BRWD1: variants seen among roughly 807,000 people sequenced by gnomAD.
BRWD1 encodes the protein bromodomain and WD repeat-containing protein 1.
A neutral mutation model predicts 251.2 loss-of-function variants in BRWD1; 82 were observed. That is an observed-to-expected ratio of 0.33 (90% CI 0.27 to 0.39). The LOEUF is 0.39. Ranked by LOEUF, BRWD1 falls within the 10% of genes least tolerant of loss-of-function variation. The pLI, the probability that BRWD1 is intolerant of heterozygous loss-of-function variation, is 1.00. For synonymous variants in BRWD1, 918 were observed against 902.8 expected, an observed-to-expected ratio of 1.02 and a Z score of -0.30; for missense variants, 2,233 against 2,711.6, an observed-to-expected ratio of 0.82 and a Z score of 3.92.
chr21:39,280,072 A>T, intron 9 of BRWD1, 76 bp downstream of exon 9: 2 of 1,119,180 alleles, frequency 1.8e-6, no homozygotes, highest in Non-Finnish European at 2.5e-6. Flanking sequence ...TCTCATAACA[A>T]TAAAACTTCA....
intron 13 of BRWD1, 55 bp downstream of exon 13, chr21:39,274,319 G>C (rs2035212176): frequency 7.5e-7 from 1 of 1,333,624 alleles, no homozygotes; most frequent in African/African-American, 1.4e-5. Flanking sequence ...GAGAGAGAGA[G>C]AGAGAGACAG....
chr21:39,310,209 G>A lies in BRWD1; in HGVS notation c.198+2632C>T, dbSNP rs118131080. ...AAACCAAAGTAAATATAGCAAGTTA[G>A]TAACTTTCAAAATTCAAATTTGTTG... On this transcript the variant is annotated intron_variant, in intron 4 of 40. Transcript: ENST00000342449. Among the ~76,000 whole-genome samples, 15 of 152,238 alleles carry A rather than the reference G, an allele frequency of 9.9e-5. No individual in the cohort carries two copies. The East Asian group carries it at 2.9e-3, about 29-fold the overall frequency.
Position 39,293,907 on chromosome 21 carries a change from C to G in BRWD1, c.735G>C (p.Ala245=), listed in dbSNP as rs368563847. Residue 245 remains alanine (A), a synonymous_variant, in exon 8 of 41, where the codon GCG becomes GCC. Transcript: ENST00000342449. The part of the protein sequence containing the change: ...AVNYENTMIA[A]GSCDKIIRVW... ...CTCTAATAATTTTATCACAGCTCCCCGCAGCAATCATTGTATTCTCATAGT... is the reference window on the plus strand; with the variant it reads ...CTCTAATAATTTTATCACAGCTCCCGGCAGCAATCATTGTATTCTCATAGT... The G allele has an allele frequency of 6.2e-7, 1 of 1,614,094 alleles. No individual in the cohort carries two copies. The highest frequency in any genetic ancestry group is 2.2e-5 in the East Asian group (1 of 44,864).
At chr21:39,206,770 C>T (rs1372120839) in intron 36 of BRWD1, among the ~76,000 whole-genome samples, 3 of 152,180 alleles carry the variant, frequency 2.0e-5, no homozygotes, top group Non-Finnish European at 2.9e-5. Context: ...CATCCAGTAG[C>T]AGAAAGTATA....
At chr21:39,199,831 A>G (rs1248579192) in intron 39 of BRWD1, among the ~76,000 whole-genome samples, 169 bp from the exon 40 acceptor site, 1 of 152,116 alleles carries the variant, frequency 6.6e-6, no homozygotes, top group African/African-American at 2.4e-5. Context: ...GCTCACTGCA[A>G]CCTCTGCCTC....
intron 1 of BRWD1, among the ~76,000 whole-genome samples, chr21:39,319,907 T>C (rs1178602024): frequency 6.6e-6 from 1 of 152,222 alleles, no homozygotes; most frequent in Non-Finnish European, 1.5e-5. Context: ...TGTATCTTCT[T>C]TGGAGATAAT....
At position 39,194,686 on chromosome 21, in the gene BRWD1, A is replaced by G; in HGVS notation, c.*1573T>C. The G allele has an allele frequency of 1.3e-6, 2 of 1,534,842 alleles. No homozygotes were observed. Among genetic ancestry groups the G allele is most frequent in the Non-Finnish European group, 1.7e-6 (2 of 1,145,790 alleles). ...GGAACACTTCAGAACATTCTCTAAC[A>G]TTAATACCAGTCTGATGCTTCGCCT... On this transcript the variant is annotated 3_prime_UTR_variant, in exon 41 of 41. Coordinates refer to ENST00000342449, the MANE Select transcript of BRWD1 (RefSeq NM_033656.4).
chr21:39,316,344 T>A, upstream of BRWD1, among the ~76,000 whole-genome samples: 1 of 152,170 alleles, frequency 6.6e-6, no homozygotes, highest in East Asian at 1.9e-4. Flanking sequence ...GTAGCTAGAT[T>A]GTTAAGATGA....
rs1404605740 is a variant in BRWD1, at chr21:39,313,067, C to T, written c.138+5G>A. On this transcript the variant is annotated splice_donor_5th_base_variant and intron_variant, in intron 3 of 40. Coordinates refer to ENST00000342449, the MANE Select transcript of BRWD1 (RefSeq NM_033656.4). ...GAGGGAGCGCGGGGACGGGCGCGCA[C>T]AGACCTGGTACTGCTCCAGCTCCTG... 6.9e-7 allele frequency: 1 copy of T among 1,445,270 alleles called. No homozygotes were observed. The allele number at this position is 1,445,270 out of a possible 1,614,324, so 89.5% of individuals were successfully genotyped here. A position where few individuals can be genotyped will look rare whatever the true frequency, so the allele number is the denominator to read the frequency against.
chr21:39,278,892 G>T, intron 9 of BRWD1, 79 bp from the exon 10 acceptor site: 1 of 1,094,450 alleles, frequency 9.1e-7, no homozygotes, highest in South Asian at 1.9e-5. Context: ...TTTTAATCTA[G>T]CATATTTAAA....
intron 37 of BRWD1, among the ~76,000 whole-genome samples, chr21:39,204,822 T>C (rs1255425667): frequency 6.6e-6 from 1 of 152,132 alleles, no homozygotes; most frequent in Non-Finnish European, 1.5e-5. Flanking sequence ...ACAAAAAGGT[T>C]CCTGCTCCTA....
chr21:39,228,627 TTATA>T (rs753503992), intron 26 of BRWD1, 45 bp from the exon 27 acceptor site: 3 of 1,116,700 alleles, frequency 2.7e-6, no homozygotes, highest in East Asian at 4.7e-5. Flanking sequence ...ACATAGCAGG[TTATA>T]TAGTCTAAAA....
chr21:39,190,612 G>T lies in BRWD1; in HGVS notation c.*5647C>A. Reference sequence around the variant, plus strand: ...TGTCTGCCCTTCATTGATAAGCAATGAAATGACCCCAAAACTCAGAAAGCA... The same window carrying T: ...TGTCTGCCCTTCATTGATAAGCAATTAAATGACCCCAAAACTCAGAAAGCA... On this transcript the variant is annotated 3_prime_UTR_variant, in exon 41 of 41. Coordinates refer to ENST00000342449, the MANE Select transcript of BRWD1 (RefSeq NM_033656.4). 1 of 985,336 alleles carries T rather than the reference G, an allele frequency of 1.0e-6. No homozygotes were observed. Among genetic ancestry groups the T allele is most frequent in the Non-Finnish European group, 1.2e-6 (1 of 829,894 alleles). The allele number at this position is 985,336 out of a possible 1,614,324, so 61.0% of individuals were successfully genotyped here.
rs2031619208 is a variant in BRWD1 at position 39,192,776 on chromosome 21, C to A, written c.*3483G>T. ...AGGAAAACAAAAAAGATCGTAAGCACCTTTAACAATGTTCTTGCATTCTAC... is the reference window on the plus strand; with the variant it reads ...AGGAAAACAAAAAAGATCGTAAGCAACTTTAACAATGTTCTTGCATTCTAC... On this transcript the variant is annotated 3_prime_UTR_variant, in exon 41 of 41. Transcript: ENST00000342449. 2.0e-6 allele frequency: 2 copies of A among 984,974 alleles called. No individual in the cohort carries two copies. Among genetic ancestry groups the A allele is most frequent in the African/African-American group, 3.5e-5 (2 of 57,184 alleles). The allele number at this position is 984,974 out of a possible 1,614,324, so 61.0% of individuals were successfully genotyped here. A position where few individuals can be genotyped will look rare whatever the true frequency, so the allele number is the denominator to read the frequency against.
chr21:39,280,955 A>C (rs1243828010), intron 8 of BRWD1, among the ~76,000 whole-genome samples: 1 of 152,240 alleles, frequency 6.6e-6, no homozygotes, highest in Non-Finnish European at 1.5e-5. Context: ...CAAGCTACAG[A>C]AAGGAAGATG....
chr21:39,315,095 CCAG>C (rs2036672516), upstream of BRWD1: 1 of 152,122 alleles, frequency 6.6e-6, no homozygotes, highest in South Asian at 2.1e-4. Flanking sequence ...CTCCCGGGTT[CCAG>C]CGATTCTTGT....
At chr21:39,241,528 T>TAAAAAAAAAAA (rs1555858832) in intron 21 of BRWD1, among the ~76,000 whole-genome samples, 1 of 76,412 alleles carries the variant, frequency 1.3e-5, no homozygotes, top group East Asian at 6.1e-4. Flanking sequence ...TTTAAAAATC[T>TAAAAAAAAAAA]AAATAAATAA....
chr21:39,297,186 G>C (rs138335002), intron 5 of BRWD1: 142 of 985,430 alleles, frequency 1.4e-4, no homozygotes, highest in Non-Finnish European at 1.6e-4. Context: ...CAGTCACACT[G>C]TGCCAGAAAT....
At chr21:39,227,725 T>C (rs901604555) in intron 27 of BRWD1, among the ~76,000 whole-genome samples, 2 of 152,232 alleles carry the variant, frequency 1.3e-5, no homozygotes, top group African/African-American at 4.8e-5. Flanking sequence ...TAAGTCTACG[T>C]TGTTATGATA....
Sources: gnomAD v4.1 joint callset for allele counts (sites outside exome capture counted in the v4.1 genomes callset) on GRCh38, gnomAD v4.1.1 for gene constraint, MANE v1.5 for transcripts, NCBI Gene and HGNC (gene_info 2026-07-23, HGNC 2026-07-21) for gene names.